The following ELFN2 variants were observed in gnomAD, a reference collection of about 807,000 sequenced individuals.
ELFN2 encodes the protein protein phosphatase 1 regulatory subunit 29.
A neutral mutation model predicts 45.5 loss-of-function variants in ELFN2; 17 were observed. The observed-to-expected ratio is 0.37, with a 90% CI of 0.26 to 0.56. ELFN2 has a LOEUF of 0.56. Among genes scored for constraint, ELFN2 ranks in the 20% least tolerant of loss-of-function variants. The pLI is 0.77. For synonymous variants in ELFN2, 550 were observed against 551.5 expected (o/e 1.00, Z 0.04); for missense variants, 922 against 1,183.2 (o/e 0.78, Z 3.24).
At chr22:37,387,636 G>A (rs568190784) in intron 2 of ELFN2, among the ~76,000 whole-genome samples, 54 of 152,180 alleles carry the variant, frequency 3.5e-4, no homozygotes, top group African/African-American at 1.1e-3. Context: ...CCTAAGTCCT[G>A]CCACCTTCTT....
intron 2 of ELFN2, among the ~76,000 whole-genome samples, chr22:37,409,967 G>A (rs538831465): frequency 4.6e-5 from 7 of 152,280 alleles, no homozygotes; most frequent in African/African-American, 7.2e-5. Flanking sequence ...TGCTGTGCAC[G>A]CCGAGAGCAT....
At chr22:37,342,030 G>A (rs999266070) in intron 2 of ELFN2, among the ~76,000 whole-genome samples, 3 of 151,782 alleles carry the variant, frequency 2.0e-5, no homozygotes, top group African/African-American at 7.3e-5. Context: ...AGGCACAGGG[G>A]TGGCCTGCCA....
chr22:37,415,664 T>G (rs1932752534), intron 2 of ELFN2, among the ~76,000 whole-genome samples: 1 of 152,206 alleles, frequency 6.6e-6, no homozygotes, highest in Non-Finnish European at 1.5e-5. Context: ...AAACGATTTT[T>G]AAAAGTAATG....
In ELFN2 at chr22:37,375,379, G is replaced by A. The variant is rs757759685; in HGVS notation, c.156C>T (p.His52=). 6.2e-7 allele frequency: 1 copy of A among 1,614,218 alleles called. No homozygotes were observed. The highest frequency in any genetic ancestry group is 1.1e-5 in the South Asian group (1 of 91,084). The part of the protein sequence containing the change: ...NQPPYETIPQ[H]INSTVHDLRL... ...GCAGGTCGTGCACGGTGCTATTGAT[G>A]TGCTGCGGGATGGTCTCGTAGGGCG... The change falls in exon 3 of 3, where the codon CAC becomes CAT. Residue 52 remains histidine, a synonymous_variant. Transcript: ENST00000402918.
intron 2 of ELFN2, among the ~76,000 whole-genome samples, chr22:37,387,091 T>C (rs1371058481): frequency 6.6e-6 from 1 of 152,236 alleles, no homozygotes; most frequent in Non-Finnish European, 1.5e-5. Flanking sequence ...AGGACCTCAT[T>C]ACCCACCGCA....
chr22:37,412,348 C>T (rs1932669779), intron 2 of ELFN2, among the ~76,000 whole-genome samples: 1 of 151,814 alleles, frequency 6.6e-6, no homozygotes, highest in African/African-American at 2.4e-5. Context: ...AGCACACCCA[C>T]AGTGCCTCCA....
At chr22:37,358,058 C>T (rs1411067598) in intron 1 of ELFN2, among the ~76,000 whole-genome samples, 2 of 152,142 alleles carry the variant, frequency 1.3e-5, no homozygotes, top group East Asian at 3.9e-4. Flanking sequence ...AGCAGGTGGA[C>T]CTGGCGGGTC....
intron 2 of ELFN2, among the ~76,000 whole-genome samples, chr22:37,393,281 G>C (rs191227881): frequency 1.5e-3 from 225 of 152,342 alleles, no homozygotes; most frequent in African/African-American, 5.1e-3. Flanking sequence ...TCCCTCCCCA[G>C]AATGGAAGCC....
At position 37,369,067 on chromosome 22, in the gene ELFN2, C is replaced by T. The variant is rs980877769; in HGVS notation, c.*4005G>A. 3.3e-5 allele frequency: 5 copies of T among 152,148 alleles called. No homozygotes were observed. The highest frequency in any genetic ancestry group is 9.7e-5 in the African/African-American group (4 of 41,376). The allele number at this position is 152,148 out of a possible 1,614,324, so 9.4% of individuals were successfully genotyped here. ...CTTATCCCTTCCCTGCACTTAGGCCCCTTATAAGCTAGGACCTGTCACTGG... is the reference window on the plus strand; with the variant it reads ...CTTATCCCTTCCCTGCACTTAGGCCTCTTATAAGCTAGGACCTGTCACTGG... On this transcript the variant is annotated 3_prime_UTR_variant, in exon 3 of 3. Coordinates refer to ENST00000402918, the MANE Select transcript of ELFN2 (RefSeq NM_052906.5).
At chr22:37,413,488 G>A (rs1473929162) in intron 2 of ELFN2, among the ~76,000 whole-genome samples, 3 of 151,552 alleles carry the variant, frequency 2.0e-5, no homozygotes, top group Non-Finnish European at 4.4e-5. Flanking sequence ...CTTGAGTCCA[G>A]GTGGTCAAGG....
At chr22:37,397,530 G>T (rs533108332) in intron 2 of ELFN2, among the ~76,000 whole-genome samples, 1 of 152,162 alleles carries the variant, frequency 6.6e-6, no homozygotes, top group Non-Finnish European at 1.5e-5. Flanking sequence ...CTGGTCAGAC[G>T]GGTGCAGAGG....
intron 2 of ELFN2, among the ~76,000 whole-genome samples, chr22:37,408,224 G>C (rs1416276269): frequency 6.6e-6 from 1 of 152,222 alleles, no homozygotes; most frequent in Non-Finnish European, 1.5e-5. Flanking sequence ...GTACCAGATA[G>C]ACAGGTATGT....
In ELFN2 at chr22:37,373,939, T is replaced by C. The variant is rs137984700; in HGVS notation, c.1596A>G (p.Ala532=). The C allele has an allele frequency of 1.1e-5, 18 of 1,611,912 alleles. No individual in the cohort carries two copies. In the African/African-American group the frequency reaches 2.3e-4, roughly 20 times the overall value. ...CCTCCTTGGCAATGGTGGAGATCTC[T>C]GCAGCCGAGCCCTGGCCGTTCTCGA... The part of the protein sequence containing the change: ...PDLENGQGSA[A]EISTIAKEVD... Residue 532 remains alanine, a synonymous_variant, in exon 3 of 3, where the codon GCA becomes GCG. Coordinates refer to ENST00000402918, the MANE Select transcript of ELFN2 (RefSeq NM_052906.5).
In ELFN2 at chr22:37,368,579, AGAG is replaced by A. The variant is rs1931265900; in HGVS notation, c.*4490_*4492del. 6.6e-6 allele frequency: 1 copy of A among 152,250 alleles called. No homozygotes were observed. The highest frequency in any genetic ancestry group is 2.4e-5 in the African/African-American group (1 of 41,404). 9.4% of individuals were successfully genotyped at this position (152,250 alleles called of 1,614,324 possible). On this transcript the variant is annotated 3_prime_UTR_variant, in exon 3 of 3. Transcript: ENST00000402918. ...AGGATGGAATCTGAGCATGAGAGTT[AGAG>A]GAGGTCCCCTCTCCTGGGGCTCAGC...
At chr22:37,392,553 C>T (rs1407593871) in intron 2 of ELFN2, among the ~76,000 whole-genome samples, 3 of 152,086 alleles carry the variant, frequency 2.0e-5, no homozygotes, top group South Asian at 2.1e-4. Flanking sequence ...CTCCTGACCT[C>T]GTGATCCACC....
In ELFN2 at chr22:37,374,663, G is replaced by A. The variant is rs759831341; in HGVS notation, c.872C>T (p.Thr291Met). ...GATGGCTGGCCCTGCCGACGCATCC[G>A]TGGTGGACGAGGCCGGCGGCTCCAC... is the stretch of plus-strand genomic sequence containing the variant. ...LSVEPPASST[T>M]DASAGPAIKL... Residue 291 changes from threonine to methionine, a missense_variant, in exon 3 of 3, where the codon ACG becomes ATG. Physicochemically the swap from Thr to Met is moderately conservative, Grantham distance 81. This residue lies in a region of ELFN2 where 358 missense variants were observed against 540.4 expected (regional missense o/e 0.66). Transcript: ENST00000402918. 18 of 1,612,658 alleles carry A rather than the reference G, an allele frequency of 1.1e-5. No individual in the cohort carries two copies. Among genetic ancestry groups the A allele is most frequent in the Admixed American group, 3.3e-5 (2 of 60,006 alleles).
At chr22:37,424,976 C>T (rs771942097) in intron 1 of ELFN2, among the ~76,000 whole-genome samples, 5 of 151,794 alleles carry the variant, frequency 3.3e-5, no homozygotes, top group Non-Finnish European at 7.4e-5. Context: ...GTCTCCTTAA[C>T]CCCCTTCACC....
At position 37,374,306 on chromosome 22, in the gene ELFN2, A is replaced by G. The variant is rs374547815; in HGVS notation, c.1229T>C (p.Ile410Thr). The G allele has an allele frequency of 1.2e-6, 2 of 1,613,794 alleles. No homozygotes were observed. Among genetic ancestry groups the G allele is most frequent in the African/African-American group, 2.7e-5 (2 of 74,932 alleles). Residue 410 changes from isoleucine to threonine, a missense_variant, in exon 3 of 3, where the codon ATC (isoleucine) becomes ACC (threonine). By Grantham distance (89) the Ile-to-Thr change is moderately conservative. Around this residue, in one of 2 missense-constraint regions of ELFN2, gnomAD observed 564 missense variants for 642.8 expected, o/e 0.88. Transcript: ENST00000402918. Reference sequence around the variant, plus strand: ...GCAGTAGTACACGGCTCCCAGCACGATAACCATGCCAAAGAGGCAGCCCAG... The same window carrying G: ...GCAGTAGTACACGGCTCCCAGCACGGTAACCATGCCAAAGAGGCAGCCCAG... ...TILGCLFGMVIVLGAVYYCLR... is the reference protein window; with the variant it reads ...TILGCLFGMVTVLGAVYYCLR...
At chr22:37,379,826 C>T (rs1266844538) in intron 2 of ELFN2, among the ~76,000 whole-genome samples, 3 of 152,122 alleles carry the variant, frequency 2.0e-5, no homozygotes, top group South Asian at 2.1e-4. Context: ...CCAGTGATCC[C>T]GCTGGGTTTG....
Sources: allele counts gnomAD v4.1 joint callset (sites outside exome capture counted in the v4.1 genomes callset), GRCh38; gene constraint gnomAD v4.1.1; regional missense constraint gnomAD v4.1.1; transcripts MANE v1.5; gene names NCBI Gene and HGNC (gene_info 2026-07-23, HGNC 2026-07-21).